Variants in GABRA2 observed in about 807,000 individuals in gnomAD.
GABRA2 encodes gamma-aminobutyric acid type A receptor subunit alpha2, also known as gamma-aminobutyric acid receptor subunit alpha-2.
In GABRA2, 16 loss-of-function variants were observed where a neutral mutation model predicts 48.7. The ratio of observed to expected loss-of-function variants is 0.33; its 90% confidence interval spans 0.22 to 0.50. The LOEUF (loss-of-function observed/expected upper bound fraction) is 0.50. Ranked by LOEUF, GABRA2 falls within the 20% of genes least tolerant of loss-of-function variation. The pLI is 0.98. For missense variants in GABRA2, 275 were observed against 535.6 expected, an observed-to-expected ratio of 0.51 and a Z score of 4.80; for synonymous variants, 185 against 184.5, an observed-to-expected ratio of 1.00 and a Z score of -0.02.
chr4:46,297,897 C>T (rs1174054633), intron 8 of GABRA2, among the ~76,000 whole-genome samples: 2 of 151,974 alleles, frequency 1.3e-5, no homozygotes, highest in Admixed American at 6.6e-5. Context: ...TGAGCTTTGA[C>T]TTCACTGCAT....
At chr4:46,265,148 G>T (rs1357209418) in intron 8 of GABRA2, among the ~76,000 whole-genome samples, 1 of 149,910 alleles carries the variant, frequency 6.7e-6, no homozygotes, top group East Asian at 2.0e-4. Context: ...CAATTCTTGT[G>T]CCTCAGCACC....
chr4:46,355,594 T>C (rs1735828710), intron 3 of GABRA2, among the ~76,000 whole-genome samples: 1 of 152,174 alleles, frequency 6.6e-6, no homozygotes, highest in South Asian at 2.1e-4. Context: ...AAGCATTCAC[T>C]TTAGCACTTC....
At chr4:46,255,577 A>G (rs957688038) in intron 9 of GABRA2, among the ~76,000 whole-genome samples, 1 of 151,634 alleles carries the variant, frequency 6.6e-6, no homozygotes, top group Non-Finnish European at 1.5e-5. Context: ...AGAGTAAACT[A>G]TGCTGTTACA....
intron 8 of GABRA2, among the ~76,000 whole-genome samples, chr4:46,273,488 TATATATATATATGC>T (rs1355786143): frequency 4.4e-5 from 2 of 45,956 alleles, no homozygotes; most frequent in Non-Finnish European, 7.6e-5. Context: ...TATATGCATA[TATATATATATATGC>T]ATATATATAT....
chr4:46,258,896 T>G (rs895604478), intron 9 of GABRA2, among the ~76,000 whole-genome samples: 3 of 151,792 alleles, frequency 2.0e-5, no homozygotes, highest in African/African-American at 7.2e-5. Flanking sequence ...TAGATTATAG[T>G]TGGTCGAGAA....
chr4:46,306,561 C>T (rs546680990), intron 6 of GABRA2, among the ~76,000 whole-genome samples: 7 of 152,346 alleles, frequency 4.6e-5, no homozygotes, highest in African/African-American at 1.4e-4. Flanking sequence ...AGTCCCTCCA[C>T]AGTTGAGTAA....
At chr4:46,334,303 G>A (rs1007520493) in intron 3 of GABRA2, among the ~76,000 whole-genome samples, 6 of 152,208 alleles carry the variant, frequency 3.9e-5, no homozygotes, top group African/African-American at 1.4e-4. Context: ...CACAAATTAT[G>A]TAGCTGATGC....
intron 8 of GABRA2, among the ~76,000 whole-genome samples, chr4:46,262,586 T>C (rs1384576999): frequency 1.3e-5 from 2 of 152,056 alleles, no homozygotes; most frequent in Non-Finnish European, 2.9e-5. Context: ...GAAGTAATCA[T>C]GAAGGAACCG....
chr4:46,305,799 C>A, intron 6 of GABRA2, 88 bp from the exon 7 acceptor site: 2 of 896,660 alleles, frequency 2.2e-6, no homozygotes, highest in Admixed American at 2.6e-5. Context: ...TTCATACAAT[C>A]ACTATATACT....
chr4:46,291,805 A>G (rs893134410), intron 8 of GABRA2, among the ~76,000 whole-genome samples: 61 of 150,512 alleles, frequency 4.1e-4, no homozygotes, highest in African/African-American at 1.4e-3. Flanking sequence ...ATACATATAT[A>G]TGTGTATATA....
chr4:46,253,071 A>G (rs1444107197), intron 9 of GABRA2, among the ~76,000 whole-genome samples: 2 of 151,516 alleles, frequency 1.3e-5, no homozygotes, highest in Non-Finnish European at 3.0e-5. Context: ...ATTTTGTTGA[A>G]GAACTCAAGG....
At chr4:46,254,194 A>G (rs1444857959) in intron 9 of GABRA2, among the ~76,000 whole-genome samples, 19 of 151,512 alleles carry the variant, frequency 1.3e-4, no homozygotes. Context: ...GTTGGGAGAA[A>G]TCATACTATA....
At chr4:46,368,836 G>A (rs1199447652) in intron 3 of GABRA2, 1 of 458,222 alleles carries the variant, frequency 2.2e-6, no homozygotes, top group East Asian at 3.1e-5. Context: ...GCAATGATCA[G>A]ATAAAACTCA....
chr4:46,276,550 T>C (rs1720538399), intron 8 of GABRA2, among the ~76,000 whole-genome samples: 1 of 144,010 alleles, frequency 6.9e-6, no homozygotes, highest in Non-Finnish European at 1.5e-5. Context: ...ATTCTGACTC[T>C]CAAACAGAAA....
intron 3 of GABRA2, chr4:46,368,720 G>A: frequency 7.9e-6 from 3 of 380,902 alleles, no homozygotes; most frequent in Admixed American, 4.2e-5. Flanking sequence ...ATGAAAATTG[G>A]TTGACCTTTA....
At chr4:46,250,836 G>A (rs1176883748) in intron 9 of GABRA2, among the ~76,000 whole-genome samples, 1 of 151,550 alleles carries the variant, frequency 6.6e-6, no homozygotes, top group Non-Finnish European at 1.5e-5. Context: ...CTTATTGGTT[G>A]TGGGTTGACA....
chr4:46,315,864 CT>C (rs1369064379), intron 4 of GABRA2, among the ~76,000 whole-genome samples: 4 of 151,636 alleles, frequency 2.6e-5, no homozygotes, highest in Non-Finnish European at 5.9e-5. Flanking sequence ...TCACAGCCCC[CT>C]AGTCTCTGAG....
chr4:46,323,187 C>T (rs279843), intron 4 of GABRA2, among the ~76,000 whole-genome samples: 66,632 of 151,602 alleles, frequency 0.44, 14,868 homozygotes, highest in East Asian at 0.55. Flanking sequence ...TAACTTTTTA[C>T]GGGGTCACTA....
intron 6 of GABRA2, among the ~76,000 whole-genome samples, chr4:46,307,941 T>C (rs1169390938): frequency 6.6e-6 from 1 of 152,198 alleles, no homozygotes; most frequent in Non-Finnish European, 1.5e-5. Flanking sequence ...GTCATAATAA[T>C]GTTTCTCAAT....
Sources: allele counts gnomAD v4.1 joint callset (sites outside exome capture counted in the v4.1 genomes callset), GRCh38; gene constraint gnomAD v4.1.1; transcripts MANE v1.5; gene names NCBI Gene and HGNC (gene_info 2026-07-23, HGNC 2026-07-21).